VEPH1: variants seen among roughly 807,000 people sequenced by gnomAD.
The protein encoded by VEPH1 is ventricular zone expressed PH domain containing 1.
In VEPH1, 80 loss-of-function variants were observed where a neutral mutation model predicts 85.2. The ratio of observed to expected loss-of-function variants is 0.94; its 90% CI spans 0.78 to 1.13. The LOEUF is 1.13. Ranked by LOEUF, VEPH1 falls within the 50% of genes most tolerant of loss-of-function variation. The pLI is 0.00. For missense variants in VEPH1, 955 were observed against 980.5 expected, an observed-to-expected ratio of 0.97 and a Z score of 0.35; for synonymous variants, 297 against 348.0, an observed-to-expected ratio of 0.85 and a Z score of 1.63.
chr3:157,379,607 A>G (rs1488802878), intron 7 of VEPH1, among the ~76,000 whole-genome samples: 8 of 152,160 alleles, frequency 5.3e-5, no homozygotes, highest in Non-Finnish European at 1.2e-4. Context: ...GCTGAACATA[A>G]AGTAGACCCA....
chr3:157,334,361 T>C (rs1368736380), intron 9 of VEPH1, among the ~76,000 whole-genome samples: 2 of 152,238 alleles, frequency 1.3e-5, no homozygotes, highest in Admixed American at 1.3e-4. Flanking sequence ...GAAATTCAGT[T>C]CTTCAGGCTA....
At chr3:157,358,888 C>G (rs758099204) in intron 9 of VEPH1, among the ~76,000 whole-genome samples, 1 of 151,988 alleles carries the variant, frequency 6.6e-6, no homozygotes, top group Non-Finnish European at 1.5e-5. Flanking sequence ...CCCAGCTACT[C>G]GGGAGGCTGA....
At chr3:157,480,729 T>C (rs903280400) in intron 2 of VEPH1, among the ~76,000 whole-genome samples, 1 of 152,170 alleles carries the variant, frequency 6.6e-6, no homozygotes, top group African/African-American at 2.4e-5. Flanking sequence ...TCCATGTCTT[T>C]GCTATTGTGA....
chr3:157,437,645 T>A, intron 4 of VEPH1: 1 of 1,548,964 alleles, frequency 6.5e-7, no homozygotes, highest in South Asian at 1.2e-5. Context: ...CTGCAGAGGC[T>A]GCGGGAGGAG....
intron 6 of VEPH1, chr3:157,409,771 G>A: frequency 1.0e-6 from 1 of 985,302 alleles, no homozygotes; most frequent in Non-Finnish European, 1.2e-6. Context: ...CTTTATGCAA[G>A]CACAGAAGGT....
At chr3:157,428,975 C>T (rs984191107) in intron 4 of VEPH1, among the ~76,000 whole-genome samples, 2 of 152,150 alleles carry the variant, frequency 1.3e-5, no homozygotes, top group African/African-American at 4.8e-5. Flanking sequence ...GAAACTATGC[C>T]TTATTTTATG....
intron 11 of VEPH1, among the ~76,000 whole-genome samples, chr3:157,311,332 G>T (rs1720085499): frequency 6.6e-6 from 1 of 152,098 alleles, no homozygotes; most frequent in South Asian, 2.1e-4. Context: ...GTGAAACTCC[G>T]TCACTGCAGC....
intron 6 of VEPH1, among the ~76,000 whole-genome samples, chr3:157,384,528 C>T (rs1729093140): frequency 6.6e-6 from 1 of 152,198 alleles, no homozygotes; most frequent in African/African-American, 2.4e-5. Flanking sequence ...TAAAAATTTG[C>T]AAGCCCCTTC....
chr3:157,444,222 A>T (rs1478387193), intron 4 of VEPH1, among the ~76,000 whole-genome samples: 1 of 152,198 alleles, frequency 6.6e-6, no homozygotes, highest in Non-Finnish European at 1.5e-5. Context: ...GTCCTCTGAA[A>T]GATAGGGCAT....
chr3:157,392,426 A>G (rs1221755834), intron 6 of VEPH1, among the ~76,000 whole-genome samples: 3 of 152,262 alleles, frequency 2.0e-5, no homozygotes, highest in East Asian at 3.9e-4. Flanking sequence ...CCATGATTCA[A>G]TTACCTCCCA....
At chr3:157,465,171 G>T (rs979193873) in intron 3 of VEPH1, among the ~76,000 whole-genome samples, 5 of 152,146 alleles carry the variant, frequency 3.3e-5, no homozygotes, top group Non-Finnish European at 5.9e-5. Context: ...CACGTCTCCT[G>T]AGCCCCTTCA....
At chr3:157,466,310 C>T (rs1386536645) in intron 3 of VEPH1, among the ~76,000 whole-genome samples, 1 of 152,042 alleles carries the variant, frequency 6.6e-6, no homozygotes, top group African/African-American at 2.4e-5. Context: ...TTAGGTACTT[C>T]CACATAGTGG....
At chr3:157,415,433 A>C (rs1272700498) in intron 5 of VEPH1, among the ~76,000 whole-genome samples, 1 of 152,150 alleles carries the variant, frequency 6.6e-6, no homozygotes, top group East Asian at 1.9e-4. Flanking sequence ...CTAGGGCTCT[A>C]ATTTAGGCAA....
At chr3:157,305,075 T>TCTATCTATCTTC (rs1393296423) in intron 11 of VEPH1, among the ~76,000 whole-genome samples, 3 of 148,726 alleles carry the variant, frequency 2.0e-5, no homozygotes, top group East Asian at 4.0e-4. Context: ...TATCTTCCTA[T>TCTATCTATCTTC]CTCTCTATTT....
At chr3:157,486,614 T>G (rs1738676700) in intron 2 of VEPH1, among the ~76,000 whole-genome samples, 1 of 152,192 alleles carries the variant, frequency 6.6e-6, no homozygotes, top group African/African-American at 2.4e-5. Flanking sequence ...TTATTAGCCT[T>G]TCTATGTCTG....
At chr3:157,371,773 T>C (rs1331187178) in intron 7 of VEPH1, among the ~76,000 whole-genome samples, 3 of 152,222 alleles carry the variant, frequency 2.0e-5, no homozygotes, top group Non-Finnish European at 4.4e-5. Flanking sequence ...TGGTAGGCTT[T>C]GCCTTTTATC....
chr3:157,371,523 G>T (rs944892919), intron 7 of VEPH1, among the ~76,000 whole-genome samples: 1 of 152,220 alleles, frequency 6.6e-6, no homozygotes, highest in Non-Finnish European at 1.5e-5. Context: ...TCACCTTGGA[G>T]CTTGTCAGAA....
chr3:157,457,218 A>G (rs1179090487), intron 4 of VEPH1, among the ~76,000 whole-genome samples: 2 of 152,116 alleles, frequency 1.3e-5, no homozygotes, highest in Admixed American at 1.3e-4. Flanking sequence ...TGACTTTTGT[A>G]CATTGATTTT....
At chr3:157,323,033 G>GA (rs761652529) in intron 9 of VEPH1, among the ~76,000 whole-genome samples, 21 of 152,036 alleles carry the variant, frequency 1.4e-4, no homozygotes, top group Non-Finnish European at 2.4e-4. Flanking sequence ...GCTTTTGACT[G>GA]AAAAAAATGG....
Sources: allele counts gnomAD v4.1 joint callset (sites outside exome capture counted in the v4.1 genomes callset), GRCh38; gene constraint gnomAD v4.1.1; transcripts MANE v1.5; gene names NCBI Gene and HGNC (gene_info 2026-07-23, HGNC 2026-07-21).